The following RND2 variants were observed in gnomAD, a reference collection of about 807,000 sequenced individuals.
The protein encoded by RND2 is Rho family GTPase 2, also known as rho-related GTP-binding protein RhoN.
RND2 carries 16 observed loss-of-function variants against 25.9 expected under a neutral mutation model. That is an observed-to-expected ratio of 0.62 (90% CI 0.42 to 0.94). The LOEUF (loss-of-function observed/expected upper bound fraction) is 0.94. Among genes scored for constraint, RND2 ranks in the 40% least tolerant of loss-of-function variants. RND2 has a pLI of 0.00. For synonymous variants in RND2, 97 were observed against 118.1 expected (o/e 0.82, Z 1.16); for missense variants, 276 against 305.5 (o/e 0.90, Z 0.72).
chr17:43,028,848 A>C lies in RND2; in HGVS notation c.*168A>C. On this transcript the variant is annotated 3_prime_UTR_variant, in exon 5 of 5. Coordinates refer to ENST00000587250, the MANE Select transcript of RND2 (RefSeq NM_005440.5). Reference sequence around the variant, plus strand: ...GGGCAGAAGGGTATCATCGTTTCTCATCTCCTCCTCCCTCCTCTTCTCCAG... The same window carrying C: ...GGGCAGAAGGGTATCATCGTTTCTCCTCTCCTCCTCCCTCCTCTTCTCCAG... The C allele has an allele frequency of 1.8e-4, 175 of 951,390 alleles. No individual in the cohort carries two copies. Among genetic ancestry groups the C allele is most frequent in the Non-Finnish European group, 2.3e-4 (149 of 656,104 alleles). 58.9% of individuals were successfully genotyped at this position (951,390 alleles called of 1,614,324 possible).
chr17:43,030,698 A>G lies in RND2; in HGVS notation c.*2018A>G, dbSNP rs2050665975. ...GTACAGCATGTGTAAACACGTGGAG[A>G]TGAGAATGAGCATAGCACTGTTGGG... On this transcript the variant is annotated 3_prime_UTR_variant, in exon 5 of 5. Transcript: ENST00000587250. The G allele has an allele frequency of 6.6e-6, 1 of 152,234 alleles. No homozygotes were observed. Among genetic ancestry groups the G allele is most frequent in the African/African-American group, 2.4e-5 (1 of 41,408 alleles). The allele number at this position is 152,234 out of a possible 1,614,324, so 9.4% of individuals were successfully genotyped here.
At position 43,028,959 on chromosome 17, in the gene RND2, G is replaced by T; in HGVS notation, c.*279G>T. ...GGCGTTAGGGAAGCTGGTATCAAAT[G>T]GTGACCTTGGTGGAGTCTCCTATGT... On this transcript the variant is annotated 3_prime_UTR_variant, in exon 5 of 5. Transcript: ENST00000587250. 1 of 464,746 alleles carries T rather than the reference G, an allele frequency of 2.2e-6. No homozygotes were observed. Among genetic ancestry groups the T allele is most frequent in the Non-Finnish European group, 4.0e-6 (1 of 252,994 alleles). The allele number at this position is 464,746 out of a possible 1,614,324, so 28.8% of individuals were successfully genotyped here.
intron 3 of RND2, 76 bp from the exon 4 acceptor site, chr17:43,027,985 A>G: frequency 6.6e-7 from 1 of 1,516,278 alleles, no homozygotes; most frequent in Non-Finnish European, 8.9e-7. Flanking sequence ...GAGAGGGCAC[A>G]CTGCTGGCAT....
chr17:43,028,487 G>A lies in RND2; in HGVS notation c.491G>A (p.Arg164Gln), dbSNP rs774641537. The part of the protein sequence containing the change: ...GAVSYVECSS[R>Q]SSERSVRDVF... ...GTGTCCTATGTTGAGTGCTCCTCCC[G>A]GTCCTCTGAGCGCAGCGTCAGGGAT... Residue 164 changes from arginine to glutamine, a missense_variant, in exon 5 of 5, where the codon CGG (arginine) becomes CAG (glutamine). Arg to Gln is a conservative substitution (Grantham distance 43). Transcript: ENST00000587250. 8 of 1,614,208 alleles carry A rather than the reference G, an allele frequency of 5.0e-6. No homozygotes were observed. The highest frequency in any genetic ancestry group is 2.2e-5 in the East Asian group (1 of 44,886).
chr17:43,027,917 C>A, intron 3 of RND2, 144 bp from the exon 4 acceptor site: 1 of 979,550 alleles, frequency 1.0e-6, no homozygotes, highest in Non-Finnish European at 1.5e-6. Context: ...AGCATTCTCA[C>A]CTCCTTCCTC....
intron 3 of RND2, 115 bp from the exon 4 acceptor site, chr17:43,027,946 G>A (rs1037621825): frequency 1.0e-5 from 13 of 1,239,912 alleles, no homozygotes; most frequent in African/African-American, 1.5e-5. Context: ...GAGTCCTGAG[G>A]GATACATGGT....
chr17:43,031,019 G>GC lies in RND2; in HGVS notation c.*2341dup, dbSNP rs1175325057. ...CCAGCCAAGATTCCTCCTTTGGGAGGCCAAGCTGGGAGGATCGCTTGAGGC... is the reference window on the plus strand; with the variant it reads ...CCAGCCAAGATTCCTCCTTTGGGAGGCCCAAGCTGGGAGGATCGCTTGAGGC... On this transcript the variant is annotated 3_prime_UTR_variant, in exon 5 of 5. Coordinates refer to ENST00000587250, the MANE Select transcript of RND2 (RefSeq NM_005440.5). 1 of 152,212 alleles carries GC rather than the reference G, an allele frequency of 6.6e-6. No homozygotes were observed. Among genetic ancestry groups the GC allele is most frequent in the African/African-American group, 2.4e-5 (1 of 41,426 alleles). The allele number at this position is 152,212 out of a possible 1,614,324, so 9.4% of individuals were successfully genotyped here. A position where few individuals can be genotyped will look rare whatever the true frequency, so the allele number is the denominator to read the frequency against.
Position 43,025,353 on chromosome 17 carries a change from G to GC in RND2, c.6_7insC (p.Gly3ArgfsTer40), listed in dbSNP as rs2050611201. ...ACCGGCGCGTAGCCGGGACCATGGA[G>GC]GGGCAGAGCGGCCGCTGCAAGATCG... On this transcript the variant is annotated frameshift_variant, in exon 1 of 5. Transcript: ENST00000587250. LOFTEE classifies it high-confidence loss of function. 2 of 1,547,058 alleles carry GC rather than the reference G, an allele frequency of 1.3e-6. No homozygotes were observed. Among genetic ancestry groups the GC allele is most frequent in the Admixed American group, 2.0e-5 (1 of 50,798 alleles).
rs1473574269 is a variant in RND2 at position 43,030,800 on chromosome 17, G to A, written c.*2120G>A. ...TACTGCAGGGTCCACAGAGGAATCA[G>A]AATTTCATTCTGAGGATGAATGAAA... On this transcript the variant is annotated 3_prime_UTR_variant, in exon 5 of 5. Coordinates refer to ENST00000587250, the MANE Select transcript of RND2 (RefSeq NM_005440.5). The A allele has an allele frequency of 6.6e-6, 1 of 152,208 alleles. No individual in the cohort carries two copies. The highest frequency in any genetic ancestry group is 1.5e-5 in the Non-Finnish European group (1 of 68,052). The allele number at this position is 152,208 out of a possible 1,614,324, so 9.4% of individuals were successfully genotyped here.
chr17:43,027,140 G>GCC, intron 2 of RND2, 43 bp from the exon 3 acceptor site: 1 of 1,303,476 alleles, frequency 7.7e-7, no homozygotes, highest in Non-Finnish European at 1.1e-6. Flanking sequence ...TCCCTTCCAG[G>GCC]CCTCCCATCC....
At chr17:43,026,308 G>C in intron 2 of RND2, 2 of 459,228 alleles carry the variant, frequency 4.4e-6, no homozygotes, top group Non-Finnish European at 7.9e-6. Flanking sequence ...GGAAGGAATG[G>C]CTTTTAATTT....
chr17:43,028,637 G>A lies in RND2; in HGVS notation c.641G>A (p.Gly214Asp). 1.2e-6 allele frequency: 2 copies of A among 1,605,958 alleles called. No individual in the cohort carries two copies. The highest frequency in any genetic ancestry group is 1.3e-5 in the African/African-American group (1 of 74,908). ...LSGRPDRGNEGEIHKDRAKSC... is the reference protein window; with the variant it reads ...LSGRPDRGNEDEIHKDRAKSC... ...GGACGGCCAGACCGGGGGAATGAGG[G>A]CGAGATACACAAGGATCGAGCCAAA... is the stretch of plus-strand genomic sequence containing the variant. The change falls in exon 5 of 5, where the codon GGC becomes GAC. Residue 214 changes from glycine (G) to aspartate (D), a missense_variant. Gly to Asp is a moderately conservative substitution (Grantham distance 94). Coordinates refer to ENST00000587250, the MANE Select transcript of RND2 (RefSeq NM_005440.5).
chr17:43,026,973 C>T (rs551233820), intron 2 of RND2, among the ~76,000 whole-genome samples: 3 of 152,216 alleles, frequency 2.0e-5, no homozygotes, highest in Non-Finnish European at 2.9e-5. Context: ...ACTAGGGAAG[C>T]AGAGAGCCGT....
In RND2 at chr17:43,025,375, A is replaced by T; in HGVS notation, c.28A>T (p.Ile10Phe). 1 of 1,550,616 alleles carries T rather than the reference A, an allele frequency of 6.4e-7. No individual in the cohort carries two copies. Among genetic ancestry groups the T allele is most frequent in the Non-Finnish European group, 8.7e-7 (1 of 1,147,410 alleles). MEGQSGRCK[I>F]VVVGDAECGK... ...GGAGGGGCAGAGCGGCCGCTGCAAG[A>T]TCGTGGTGGTGGGAGACGCAGAGTG... Residue 10 changes from isoleucine (I) to phenylalanine (F), a missense_variant, in exon 1 of 5, where the codon ATC becomes TTC. Ile to Phe is a conservative substitution (Grantham distance 21). Transcript: ENST00000587250.
At chr17:43,026,932 G>T (rs1355375899) in intron 2 of RND2, among the ~76,000 whole-genome samples, 1 of 152,248 alleles carries the variant, frequency 6.6e-6, no homozygotes, top group Non-Finnish European at 1.5e-5. Flanking sequence ...CCAAACCTCA[G>T]TCAAGAATAA....
Position 43,025,956 on chromosome 17 carries a change from G to A in RND2, c.103-4G>A, listed in dbSNP as rs769208841. On this transcript the variant is annotated splice_polypyrimidine_tract_variant and splice_region_variant and intron_variant, in intron 1 of 4. Coordinates refer to ENST00000587250, the MANE Select transcript of RND2 (RefSeq NM_005440.5). Reference sequence around the variant, plus strand: ...ATCTCATCTGGATCCATCCGTGTCTGCAGAGTTATGTCCCCACCGTGTTTG... The same window carrying A: ...ATCTCATCTGGATCCATCCGTGTCTACAGAGTTATGTCCCCACCGTGTTTG... 56 of 1,609,594 alleles carry A rather than the reference G, an allele frequency of 3.5e-5. No homozygotes were observed. Among genetic ancestry groups the A allele is most frequent in the Middle Eastern group, 1.6e-4 (1 of 6,068 alleles).
At chr17:43,025,488 G>A in intron 1 of RND2, 39 bp downstream of exon 1, 1 of 1,533,146 alleles carries the variant, frequency 6.5e-7, no homozygotes, top group Non-Finnish European at 8.8e-7. Flanking sequence ...CGCTAAGGCT[G>A]CTGGGGGGTG....
intron 2 of RND2, among the ~76,000 whole-genome samples, chr17:43,026,695 G>C (rs1204325390): frequency 6.6e-6 from 1 of 152,126 alleles, no homozygotes; most frequent in East Asian, 1.9e-4. Flanking sequence ...TTGAGTGAGG[G>C]GTGGTCAGGA....
Position 43,031,912 on chromosome 17 carries a change from C to A in RND2, c.*3232C>A, listed in dbSNP as rs2050674867. 1 of 152,144 alleles carries A rather than the reference C, an allele frequency of 6.6e-6. No individual in the cohort carries two copies. The highest frequency in any genetic ancestry group is 2.1e-4 in the South Asian group (1 of 4,822). 9.4% of individuals were successfully genotyped at this position (152,144 alleles called of 1,614,324 possible). ...TGGAGGGAGGGGACCTTACTCCCTTCCCCACCCCAGATGCAGGAGTCACCC... is the reference window on the plus strand; with the variant it reads ...TGGAGGGAGGGGACCTTACTCCCTTACCCACCCCAGATGCAGGAGTCACCC... On this transcript the variant is annotated 3_prime_UTR_variant, in exon 5 of 5. Coordinates refer to ENST00000587250, the MANE Select transcript of RND2 (RefSeq NM_005440.5).
Sources: gnomAD v4.1 joint callset for allele counts (sites outside exome capture counted in the v4.1 genomes callset) on GRCh38, gnomAD v4.1.1 for gene constraint, MANE v1.5 for transcripts, NCBI Gene and HGNC (gene_info 2026-07-23, HGNC 2026-07-21) for gene names.